The following PTPRQ variants were observed in gnomAD, a reference collection of about 807,000 sequenced individuals.
PTPRQ encodes protein tyrosine phosphatase receptor type Q.
PTPRQ carries 199 observed loss-of-function variants against 246.0 expected under a neutral mutation model. The observed-to-expected ratio is 0.81, with a 90% confidence interval of 0.72 to 0.91. The LOEUF is 0.91. Ranked by LOEUF, PTPRQ falls within the 40% of genes least tolerant of loss-of-function variation. The probability of loss-of-function intolerance (pLI) is 0.00; values close to 1 mark genes in which losing one functional copy is unlikely to be tolerated. For synonymous variants in PTPRQ, 869 were observed against 853.2 expected (o/e 1.02, Z -0.32); for missense variants, 2,624 against 2,528.4 (o/e 1.04, Z -0.81).
At chr12:80,496,781 G>T (rs1894639188) in intron 14 of PTPRQ, among the ~76,000 whole-genome samples, 2 of 152,046 alleles carry the variant, frequency 1.3e-5, no homozygotes, top group Admixed American at 1.3e-4. Flanking sequence ...AAGACCTTGA[G>T]AAACCAAGGA....
At chr12:80,522,175 G>A (rs1895517206) in intron 17 of PTPRQ, among the ~76,000 whole-genome samples, 1 of 152,054 alleles carries the variant, frequency 6.6e-6, no homozygotes, top group Non-Finnish European at 1.5e-5. Context: ...TCTGTTATTG[G>A]TATATAAGAA....
intron 12 of PTPRQ, 124 bp downstream of exon 12, chr12:80,495,495 G>A (rs774142070): frequency 5.6e-6 from 7 of 1,241,332 alleles, no homozygotes; most frequent in Non-Finnish European, 6.3e-6. Flanking sequence ...TTCATATTTT[G>A]TTGTTTTGTG....
At chr12:80,595,086 C>G (rs556541755) in intron 26 of PTPRQ, among the ~76,000 whole-genome samples, 2 of 152,190 alleles carry the variant, frequency 1.3e-5, no homozygotes, top group South Asian at 2.1e-4. Context: ...TCTTATTGTC[C>G]TTTCTTTCCT....
chr12:80,468,303 T>G (rs558385392), intron 6 of PTPRQ, among the ~76,000 whole-genome samples: 1 of 152,190 alleles, frequency 6.6e-6, no homozygotes, highest in Non-Finnish European at 1.5e-5. Flanking sequence ...AACTTCTACC[T>G]GTGTTAATAA....
intron 3 of PTPRQ, 76 bp from the exon 4 acceptor site, chr12:80,457,499 A>G: frequency 2.5e-6 from 1 of 399,632 alleles, no homozygotes; most frequent in Non-Finnish European, 4.4e-6. Flanking sequence ...GATAAGTCAA[A>G]GTTTTGTTTT....
intron 35 of PTPRQ, among the ~76,000 whole-genome samples, chr12:80,646,471 A>T (rs1900076351): frequency 6.8e-6 from 1 of 146,418 alleles, no homozygotes; most frequent in Admixed American, 6.8e-5. Flanking sequence ...GCACATCTTT[A>T]TTATCCCCCT....
intron 17 of PTPRQ, among the ~76,000 whole-genome samples, chr12:80,516,297 G>T (rs1022661411): frequency 6.6e-6 from 1 of 152,106 alleles, no homozygotes; most frequent in African/African-American, 2.4e-5. Context: ...ACTTCTAAGA[G>T]AATATACCCT....
chr12:80,605,491 G>A (rs942155401), intron 27 of PTPRQ, among the ~76,000 whole-genome samples: 1 of 151,046 alleles, frequency 6.6e-6, no homozygotes, highest in African/African-American at 2.4e-5. Flanking sequence ...ATATATGTAT[G>A]TATATATACA....
chr12:80,603,231 T>C (rs1004418766), intron 26 of PTPRQ, among the ~76,000 whole-genome samples: 2 of 151,686 alleles, frequency 1.3e-5, no homozygotes, highest in South Asian at 2.1e-4. Flanking sequence ...ACTATTCTTA[T>C]TTAGGATCTC....
At chr12:80,476,887 T>C (rs988587091) in intron 8 of PTPRQ, among the ~76,000 whole-genome samples, 1 of 152,216 alleles carries the variant, frequency 6.6e-6, no homozygotes, top group Non-Finnish European at 1.5e-5. Flanking sequence ...TTCCTTATAG[T>C]AACCTGTATA....
chr12:80,449,023 C>G (rs926272481), intron 3 of PTPRQ, among the ~76,000 whole-genome samples: 1 of 151,836 alleles, frequency 6.6e-6, no homozygotes, highest in Non-Finnish European at 1.5e-5. Context: ...TCTCCATATC[C>G]TCTCCAGCAC....
At chr12:80,468,178 A>G (rs1239521526) in intron 6 of PTPRQ, among the ~76,000 whole-genome samples, 1 of 152,174 alleles carries the variant, frequency 6.6e-6, no homozygotes, top group Non-Finnish European at 1.5e-5. Flanking sequence ...CATGTTATCA[A>G]TATTACATTT....
chr12:80,455,853 C>T (rs1295943135), intron 3 of PTPRQ, among the ~76,000 whole-genome samples: 1 of 152,054 alleles, frequency 6.6e-6, no homozygotes, highest in African/African-American at 2.4e-5. Flanking sequence ...CCCACTTCTG[C>T]CTTCCAAAGT....
chr12:80,612,608 A>G lies in PTPRQ; in HGVS notation c.4919-984A>G, dbSNP rs546290364. ...AGGAATGTAAAATGGAATAGCCACA[A>G]TGGAAAATAATTTTGCAGCCACTTA... On this transcript the variant is annotated intron_variant, in intron 28 of 44. Coordinates refer to ENST00000644991, the MANE Select transcript of PTPRQ (RefSeq NM_001145026.2). 1.6e-4 allele frequency among the ~76,000 whole-genome samples: 24 copies of G among 150,558 alleles called. No homozygotes were observed. In the South Asian group the frequency reaches 3.1e-3, roughly 19 times the overall value.
intron 14 of PTPRQ, among the ~76,000 whole-genome samples, chr12:80,498,633 G>A (rs1894701308): frequency 6.6e-6 from 1 of 151,894 alleles, no homozygotes; most frequent in African/African-American, 2.4e-5. Flanking sequence ...CAACAAAGCT[G>A]GTAAATTATA....
intron 8 of PTPRQ, among the ~76,000 whole-genome samples, chr12:80,482,504 C>T (rs1894105907): frequency 6.6e-6 from 1 of 151,292 alleles, no homozygotes; most frequent in Non-Finnish European, 1.5e-5. Flanking sequence ...GCAATGGCAA[C>T]AAAAGACAAA....
At chr12:80,597,610 T>C (rs558477494) in intron 26 of PTPRQ, among the ~76,000 whole-genome samples, 1 of 152,006 alleles carries the variant, frequency 6.6e-6, no homozygotes, top group Non-Finnish European at 1.5e-5. Flanking sequence ...CCTTTTCCAA[T>C]CCACTCATTT....
intron 43 of PTPRQ, 97 bp downstream of exon 43, chr12:80,673,401 G>T: frequency 2.1e-6 from 3 of 1,461,900 alleles, no homozygotes; most frequent in Non-Finnish European, 2.7e-6. Flanking sequence ...GCTTGAAGCT[G>T]TGGACACCTT....
Position 80,626,203 on chromosome 12 carries a change from G to A in PTPRQ, c.5686+4069G>A, listed in dbSNP as rs149622192. ...GTCACCAGAGGAACAGAGGAAGATT[G>A]TATTTTGTTAACGAGACAGTGGTAA... On this transcript the variant is annotated intron_variant, in intron 33 of 44. Transcript: ENST00000644991. 6.4e-4 allele frequency among the ~76,000 whole-genome samples: 97 copies of A among 152,254 alleles called. 1 individual carries two copies. The highest frequency in any genetic ancestry group is 2.2e-3 in the African/African-American group (92 of 41,574).
Sources: gnomAD v4.1 joint callset for allele counts (sites outside exome capture counted in the v4.1 genomes callset) on GRCh38, gnomAD v4.1.1 for gene constraint, MANE v1.5 for transcripts, NCBI Gene and HGNC (gene_info 2026-07-23, HGNC 2026-07-21) for gene names.